ITPR2: variants seen among roughly 807,000 people sequenced by gnomAD.
ITPR2 encodes the protein inositol 1,4,5-trisphosphate receptor type 2, also known as inositol 1,4,5-trisphosphate-gated calcium channel ITPR2.
ITPR2 carries 207 observed loss-of-function variants against 317.1 expected under a neutral mutation model. The ratio of observed to expected loss-of-function variants is 0.65; its 90% confidence interval spans 0.58 to 0.73. The LOEUF (loss-of-function observed/expected upper bound fraction) is 0.73. Among genes scored for constraint, ITPR2 ranks in the 30% least tolerant of loss-of-function variants. The probability of loss-of-function intolerance (pLI) is 0.00; values close to 1 mark genes in which losing one functional copy is unlikely to be tolerated. For synonymous variants in ITPR2, 1,156 were observed against 1,149.1 expected (o/e 1.01, Z -0.12); for missense variants, 2,613 against 3,284.0 (o/e 0.80, Z 4.99).
chr12:26,545,912 T>C (rs1340078821), intron 37 of ITPR2, among the ~76,000 whole-genome samples: 1 of 152,196 alleles, frequency 6.6e-6, no homozygotes. Flanking sequence ...AGATCCAATA[T>C]GCTTATCTTT....
intron 22 of ITPR2, among the ~76,000 whole-genome samples, chr12:26,628,582 T>C (rs932878142): frequency 2.6e-5 from 4 of 152,208 alleles, no homozygotes; most frequent in Non-Finnish European, 5.9e-5. Flanking sequence ...ACTGTGACTA[T>C]ACCATGATCA....
chr12:26,505,931 C>T (rs1943172547), intron 37 of ITPR2, among the ~76,000 whole-genome samples: 1 of 151,848 alleles, frequency 6.6e-6, no homozygotes, highest in African/African-American at 2.4e-5. Flanking sequence ...ATGTTACTTG[C>T]ATATTACATA....
chr12:26,701,047 C>G (rs1170932238), intron 9 of ITPR2, among the ~76,000 whole-genome samples: 1 of 152,086 alleles, frequency 6.6e-6, no homozygotes, highest in South Asian at 2.1e-4. Context: ...CAGTGAGTAA[C>G]AGAGAGAGAA....
chr12:26,539,999 T>G (rs1255862916), intron 37 of ITPR2, among the ~76,000 whole-genome samples: 1 of 152,220 alleles, frequency 6.6e-6, no homozygotes, highest in Admixed American at 6.5e-5. Flanking sequence ...GGCACAATTC[T>G]AGACATAGAA....
At chr12:26,621,463 T>G (rs1430394475) in intron 25 of ITPR2, among the ~76,000 whole-genome samples, 167 bp from the exon 26 acceptor site, 1 of 152,192 alleles carries the variant, frequency 6.6e-6, no homozygotes, top group Non-Finnish European at 1.5e-5. Context: ...GCAAAACTTT[T>G]CAAAGTGATT....
intron 47 of ITPR2, among the ~76,000 whole-genome samples, chr12:26,437,138 T>C (rs1437688240): frequency 6.6e-6 from 1 of 152,212 alleles, no homozygotes; most frequent in Non-Finnish European, 1.5e-5. Flanking sequence ...TGGTAATGCA[T>C]GTAAGTTTGA....
intron 37 of ITPR2, among the ~76,000 whole-genome samples, chr12:26,516,280 G>GGAAAGGAAAGGAAAGGAAAGGAAAGGAAA (rs1565574580): frequency 6.6e-5 from 3 of 45,208 alleles, no homozygotes; most frequent in Non-Finnish European, 1.1e-4. Context: ...AGGAAGGGAA[G>GGAAAGGAAAGGAAAGGAAAGGAAAGGAAA]GGAAGGGAAA....
chr12:26,826,456 A>AC (rs909861330), intron 1 of ITPR2, among the ~76,000 whole-genome samples: 1 of 151,858 alleles, frequency 6.6e-6, no homozygotes, highest in Non-Finnish European at 1.5e-5. Context: ...AAACTGTGTG[A>AC]CCCCCTCCCT....
chr12:26,737,409 C>A (rs569289850), intron 2 of ITPR2, among the ~76,000 whole-genome samples: 1 of 152,118 alleles, frequency 6.6e-6, no homozygotes, highest in African/African-American at 2.4e-5. Context: ...GCACGCCCTA[C>A]GACGCCCAGC....
At chr12:26,363,674 C>T (rs767827632) in intron 55 of ITPR2, among the ~76,000 whole-genome samples, 7 of 151,958 alleles carry the variant, frequency 4.6e-5, no homozygotes, top group Non-Finnish European at 7.4e-5. Flanking sequence ...ACCTAGATGA[C>T]GGATTGATAG....
At chr12:26,556,596 T>TG (rs1565601631) in intron 35 of ITPR2, among the ~76,000 whole-genome samples, 15 of 116,534 alleles carry the variant, frequency 1.3e-4, no homozygotes, top group Non-Finnish European at 2.0e-4. Context: ...GTGTGTGTGT[T>TG]TTTGTTTATA....
rs1033262510 is a variant in ITPR2 at position 26,487,221 on chromosome 12, T to C, written c.5401A>G (p.Lys1801Glu). The part of the protein sequence containing the change: ...YSFYQQLHEQ[K>E]KSEKFFKVLY... ...ACTTTAAAGAATTTTTCTGACTTTT[T>C]TTGTTCATGCAACTGCTGGTAGAAA... Residue 1801 changes from lysine (K) to glutamate (E), a missense_variant, in exon 40 of 57, where the codon AAA becomes GAA. Physicochemically the swap from Lys to Glu is moderately conservative, Grantham distance 56. Around this residue, in one of 9 missense-constraint regions of ITPR2, gnomAD observed 926 missense variants for 1,072.8 expected, o/e 0.86. Transcript: ENST00000381340. 3 of 1,604,800 alleles carry C rather than the reference T, an allele frequency of 1.9e-6. No individual in the cohort carries two copies. The highest frequency in any genetic ancestry group is 2.5e-6 in the Non-Finnish European group (3 of 1,177,616).
intron 2 of ITPR2, among the ~76,000 whole-genome samples, chr12:26,746,149 C>T (rs1186876072): frequency 6.6e-6 from 1 of 151,576 alleles, no homozygotes; most frequent in East Asian, 1.9e-4. Context: ...AACATATCAC[C>T]CCATTCATCC....
At position 26,400,265 on chromosome 12, in the gene ITPR2, A is replaced by G; in HGVS notation, c.7400-7T>C. On this transcript the variant is annotated splice_region_variant and splice_polypyrimidine_tract_variant and intron_variant, in intron 52 of 56. Coordinates refer to ENST00000381340, the MANE Select transcript of ITPR2 (RefSeq NM_002223.4). ...TCTTCATACTCTTCATCAGCTATAA[A>G]AACACATACAAATATATGATATAAA... 6.7e-7 allele frequency: 1 copy of G among 1,497,140 alleles called. No individual in the cohort carries two copies. Among genetic ancestry groups the G allele is most frequent in the Non-Finnish European group, 9.0e-7 (1 of 1,106,758 alleles). The allele number at this position is 1,497,140 out of a possible 1,614,324, so 92.7% of individuals were successfully genotyped here.
At chr12:26,500,080 G>A (rs958755608) in intron 37 of ITPR2, among the ~76,000 whole-genome samples, 23 of 152,184 alleles carry the variant, frequency 1.5e-4, no homozygotes, top group African/African-American at 5.3e-4. Context: ...CACAAGTTCA[G>A]CAGAAACTGA....
At chr12:26,648,731 A>G (rs1947172409) in intron 21 of ITPR2, 1 of 152,110 alleles carries the variant, frequency 6.6e-6, no homozygotes, top group South Asian at 2.1e-4. Context: ...CTTTAAAATA[A>G]TATTTCTTTT....
At chr12:26,543,373 G>C (rs1346731249) in intron 37 of ITPR2, among the ~76,000 whole-genome samples, 2 of 152,272 alleles carry the variant, frequency 1.3e-5, no homozygotes, top group East Asian at 3.9e-4. Context: ...GTTTGTGTGT[G>C]TGTGTGACAG....
In ITPR2 at chr12:26,335,417, G is replaced by A. The variant is rs1277801112; in HGVS notation, c.*3980C>T. Among the ~76,000 whole-genome samples, 3 of 152,088 alleles carry A rather than the reference G, an allele frequency of 2.0e-5. No homozygotes were observed. Among genetic ancestry groups the A allele is most frequent in the African/African-American group, 7.2e-5 (3 of 41,396 alleles). ...TCTGCCCTTGTCATATATTGGAATCGTGTTTTTTAGGCAAATATAACAATC... is the reference window on the plus strand; with the variant it reads ...TCTGCCCTTGTCATATATTGGAATCATGTTTTTTAGGCAAATATAACAATC... On this transcript the variant is annotated 3_prime_UTR_variant, in exon 57 of 57. Coordinates refer to ENST00000381340, the MANE Select transcript of ITPR2 (RefSeq NM_002223.4).
intron 55 of ITPR2, among the ~76,000 whole-genome samples, chr12:26,353,865 T>C (rs1938553608): frequency 6.6e-6 from 1 of 152,084 alleles, no homozygotes; most frequent in South Asian, 2.1e-4. Flanking sequence ...CACACACCTC[T>C]ATATACAATG....
Sources: allele counts gnomAD v4.1 joint callset (sites outside exome capture counted in the v4.1 genomes callset), GRCh38; gene constraint gnomAD v4.1.1; regional missense constraint gnomAD v4.1.1; transcripts MANE v1.5; gene names NCBI Gene and HGNC (gene_info 2026-07-23, HGNC 2026-07-21).